The following SCN9A variants were observed in gnomAD, a reference collection of about 807,000 sequenced individuals.
SCN9A encodes the protein sodium voltage-gated channel alpha subunit 9.
In SCN9A, 131 loss-of-function variants were observed where a neutral mutation model predicts 187.0. The ratio of observed to expected loss-of-function variants is 0.70; its 90% confidence interval spans 0.61 to 0.81. The LOEUF (loss-of-function observed/expected upper bound fraction) is 0.81. Among genes scored for constraint, SCN9A ranks in the 30% least tolerant of loss-of-function variants. SCN9A has a pLI of 0.00. For missense variants in SCN9A, 2,252 were observed against 2,396.6 expected (o/e 0.94, Z 1.26); for synonymous variants, 809 against 808.6 (o/e 1.00, Z -0.01).
chr2:166,294,539 T>A, intron 8 of SCN9A, 60 bp downstream of exon 8: 1 of 1,277,074 alleles, frequency 7.8e-7, no homozygotes, highest in Non-Finnish European at 1.1e-6. Flanking sequence ...GCAAACTGAC[T>A]GAACATTCTT....
At chr2:166,204,513 C>G in intron 24 of SCN9A, 49 bp from the exon 25 acceptor site, 2 of 1,182,264 alleles carry the variant, frequency 1.7e-6, no homozygotes, top group Non-Finnish European at 2.4e-6. Flanking sequence ...GAATCATTGT[C>G]TACATCTTTC....
chr2:166,335,595 T>C (rs954278312), intron 1 of SCN9A, among the ~76,000 whole-genome samples: 1 of 152,156 alleles, frequency 6.6e-6, no homozygotes, highest in Non-Finnish European at 1.5e-5. Context: ...GGGCAGGCAC[T>C]GACAGGGTGA....
intron 1 of SCN9A, among the ~76,000 whole-genome samples, chr2:166,332,618 C>A (rs1387798749): frequency 6.6e-6 from 1 of 152,098 alleles, no homozygotes; most frequent in Non-Finnish European, 1.5e-5. Context: ...TTGTTCCTAT[C>A]ATATTACTTC....
intron 1 of SCN9A, among the ~76,000 whole-genome samples, chr2:166,332,179 C>T (rs1699520352): frequency 6.6e-6 from 1 of 152,144 alleles, no homozygotes; most frequent in Non-Finnish European, 1.5e-5. Context: ...TGTGCTGGGT[C>T]TATGTACAGC....
chr2:166,266,158 T>C (rs1221512812), intron 17 of SCN9A, among the ~76,000 whole-genome samples: 1 of 151,788 alleles, frequency 6.6e-6, no homozygotes, highest in Non-Finnish European at 1.5e-5. Context: ...TCATGAAGCT[T>C]TCCCCCTGTT....
intron 11 of SCN9A, among the ~76,000 whole-genome samples, chr2:166,286,110 G>A (rs9917396): frequency 0.15 from 23,010 of 152,116 alleles, 2,410 homozygotes; most frequent in African/African-American, 0.29. Flanking sequence ...GTTTATTAGA[G>A]AATATATTGA....
In SCN9A at chr2:166,276,992, T is replaced by G. The variant is rs1224174617; in HGVS notation, c.2865A>C (p.Gly955=). Residue 955 remains glycine, a synonymous_variant, in exon 16 of 27, where the codon GGA becomes GGC. Coordinates refer to ENST00000642356, the MANE Select transcript of SCN9A (RefSeq NM_001365536.1). ...ACATCTGGTTACATACCACCAGGTTTCCAATGACCATGACCATCATGTAAA... is the reference window on the plus strand; with the variant it reads ...ACATCTGGTTACATACCACCAGGTTGCCAATGACCATGACCATCATGTAAA... ...LIVYMMVMVI[G]NLVVLNLFLA... 1 of 1,612,124 alleles carries G rather than the reference T, an allele frequency of 6.2e-7. No homozygotes were observed.
chr2:166,299,868 C>G (rs950110001), intron 7 of SCN9A, among the ~76,000 whole-genome samples: 1 of 150,778 alleles, frequency 6.6e-6, no homozygotes, highest in Admixed American at 6.6e-5. Flanking sequence ...ATGTGTCCAC[C>G]ATTTCCTCAT....
At chr2:166,290,677 C>CT (rs1175899596) in intron 9 of SCN9A, among the ~76,000 whole-genome samples, 19 of 151,982 alleles carry the variant, frequency 1.3e-4, no homozygotes, top group East Asian at 1.9e-4. Flanking sequence ...TGATGTTGAG[C>CT]TTTTTTTCAT....
chr2:166,340,479 CTCTT>C (rs1372729902), intron 1 of SCN9A, among the ~76,000 whole-genome samples: 13 of 151,480 alleles, frequency 8.6e-5, no homozygotes, highest in African/African-American at 1.2e-4. Context: ...TTCTTTCTTT[CTCTT>C]TCTTTTTTTC....
Position 166,256,450 on chromosome 2 carries a change from T to C in SCN9A, c.3352-4565A>G, listed in dbSNP as rs147266054. Among the ~76,000 whole-genome samples the C allele has an allele frequency of 2.0e-3, 302 of 151,456 alleles. 1 individual carries two copies. The highest frequency in any genetic ancestry group is 7.0e-3 in the African/African-American group (290 of 41,436). ...GAAAAAAATGGAAATAATTAAAAAA[T>C]ACTCCAGATATTATTGATCAGTGGA... On this transcript the variant is annotated intron_variant, in intron 17 of 26. Transcript: ENST00000642356.
chr2:166,293,804 T>C (rs1444956054), intron 8 of SCN9A, among the ~76,000 whole-genome samples: 3 of 152,248 alleles, frequency 2.0e-5, no homozygotes, highest in Non-Finnish European at 4.4e-5. Context: ...TGTATAATTC[T>C]TGGAATAGAT....
At chr2:166,370,542 C>CAA (rs1299247906) in intron 1 of SCN9A, among the ~76,000 whole-genome samples, 7 of 133,510 alleles carry the variant, frequency 5.2e-5, no homozygotes, top group South Asian at 2.4e-4. Flanking sequence ...GACTCCGTCT[C>CAA]AAAAAAATAA....
intron 7 of SCN9A, among the ~76,000 whole-genome samples, chr2:166,299,655 A>C (rs1698469997): frequency 6.6e-6 from 1 of 150,530 alleles, no homozygotes; most frequent in Non-Finnish European, 1.5e-5. Flanking sequence ...TTCTCTATCT[A>C]CTTAAAAATA....
Position 166,238,083 on chromosome 2 carries a change from A to G in SCN9A, c.3801+11T>C. 1 of 1,601,672 alleles carries G rather than the reference A, an allele frequency of 6.2e-7. No homozygotes were observed. Among genetic ancestry groups the G allele is most frequent in the Non-Finnish European group, 8.5e-7 (1 of 1,171,784 alleles). ...TAAATCCTCTTTTAAAATGTACTCAAAAGTACCTACATCAACAATTAGGAA... is the reference window on the plus strand; with the variant it reads ...TAAATCCTCTTTTAAAATGTACTCAGAAGTACCTACATCAACAATTAGGAA... On this transcript the variant is annotated intron_variant, in intron 20 of 26. Coordinates refer to ENST00000642356, the MANE Select transcript of SCN9A (RefSeq NM_001365536.1).
At chr2:166,314,273 T>C (rs1325720550) in intron 1 of SCN9A, among the ~76,000 whole-genome samples, 1 of 152,180 alleles carries the variant, frequency 6.6e-6, no homozygotes. Flanking sequence ...GAATGCAGTA[T>C]CTTGAAGTGC....
Position 166,238,216 on chromosome 2 carries a change from C to T in SCN9A, c.3679G>A (p.Glu1227Lys). The T allele has an allele frequency of 1.2e-6, 2 of 1,601,034 alleles. No individual in the cohort carries two copies. Among genetic ancestry groups the T allele is most frequent in the East Asian group, 2.2e-5 (1 of 44,588 alleles). ...TAAGTGAAGATCTTGTCTGCATACT[C>T]CAGGATAATCTTAATGGTCTTTTTC... Reference protein sequence around the residue: ...ERKKTIKIILEYADKIFTYIF... With the variant: ...ERKKTIKIILKYADKIFTYIF... Residue 1227 changes from glutamate (E) to lysine (K), a missense_variant, in exon 20 of 27, where the codon GAG (glutamate) becomes AAG (lysine). Physicochemically the swap from Glu to Lys is moderately conservative, Grantham distance 56. This residue lies in a region of SCN9A where 313 missense variants were observed against 295.3 expected (regional missense o/e 1.06). Coordinates refer to ENST00000642356, the MANE Select transcript of SCN9A (RefSeq NM_001365536.1).
intron 23 of SCN9A, among the ~76,000 whole-genome samples, chr2:166,226,919 TAATA>T (rs997618073): frequency 6.6e-5 from 10 of 152,170 alleles, no homozygotes; most frequent in African/African-American, 2.2e-4. Context: ...CATACTTATG[TAATA>T]AATAATATAA....
intron 1 of SCN9A, among the ~76,000 whole-genome samples, chr2:166,360,672 T>A (rs528650251): frequency 2.0e-5 from 3 of 152,266 alleles, no homozygotes; most frequent in African/African-American, 7.2e-5. Context: ...TTATGCAAAT[T>A]CCCCATAAAT....
Sources: gnomAD v4.1 joint callset for allele counts (sites outside exome capture counted in the v4.1 genomes callset) on GRCh38, gnomAD v4.1.1 for gene constraint, gnomAD v4.1.1 regional missense constraint, MANE v1.5 for transcripts, NCBI Gene and HGNC (gene_info 2026-07-23, HGNC 2026-07-21) for gene names.